PDE11A: variants seen among roughly 807,000 people sequenced by gnomAD.
PDE11A encodes the protein dual 3',5'-cyclic-AMP and -GMP phosphodiesterase 11A.
PDE11A carries 100 observed loss-of-function variants against 100.5 expected under a neutral mutation model. That is an observed-to-expected ratio of 1.00 (90% CI 0.85 to 1.18). The LOEUF is 1.18. Among genes scored for constraint, PDE11A ranks in the 50% most tolerant of loss-of-function variants. The pLI, the probability that PDE11A is intolerant of heterozygous loss-of-function variation, is 0.00. For missense variants in PDE11A, 1,141 were observed against 1,152.6 expected, an observed-to-expected ratio of 0.99 and a Z score of 0.15; for synonymous variants, 381 against 420.8, an observed-to-expected ratio of 0.91 and a Z score of 1.16.
At chr2:177,673,915 T>C (rs933914099) in intron 17 of PDE11A, among the ~76,000 whole-genome samples, 1 of 152,138 alleles carries the variant, frequency 6.6e-6, no homozygotes, top group African/African-American at 2.4e-5. Context: ...ATGATCTAGG[T>C]AGTGGCTGTT....
chr2:177,816,969 C>A, intron 8 of PDE11A, 48 bp from the exon 9 acceptor site: 3 of 1,106,318 alleles, frequency 2.7e-6, no homozygotes, highest in East Asian at 4.7e-5. Flanking sequence ...AACTCATTGG[C>A]AAAATCTAAT....
intron 16 of PDE11A, chr2:177,676,003 A>C: frequency 3.6e-6 from 1 of 280,318 alleles, no homozygotes; most frequent in Admixed American, 4.9e-5. Flanking sequence ...CTTCATTTTC[A>C]TCTGCTCTAC....
chr2:178,077,141 A>C (rs980055100), upstream of PDE11A, among the ~76,000 whole-genome samples: 2 of 152,164 alleles, frequency 1.3e-5, no homozygotes, highest in Non-Finnish European at 2.9e-5. Flanking sequence ...ATCAGTTGAG[A>C]GAGGGACAAG....
At chr2:178,049,579 G>A (rs1288320617) in intron 1 of PDE11A, among the ~76,000 whole-genome samples, 1 of 152,188 alleles carries the variant, frequency 6.6e-6, no homozygotes, top group South Asian at 2.1e-4. Flanking sequence ...AGTGCAAGGG[G>A]TTGGGGAATT....
Position 177,727,770 on chromosome 2 carries a change from A to G in PDE11A, c.1936-5T>C, listed in dbSNP as rs184331537. 1.6e-5 allele frequency: 25 copies of G among 1,544,010 alleles called. No individual in the cohort carries two copies. In the East Asian group the frequency reaches 5.4e-4, roughly 33 times the overall value. ...CAAAAGCCACCTACACAGTGTCTGA[A>G]ATGGGAGGGAGAGGGTGCGTCAGGC... On this transcript the variant is annotated splice_polypyrimidine_tract_variant and splice_region_variant and intron_variant, in intron 11 of 19. Coordinates refer to ENST00000286063, the MANE Select transcript of PDE11A (RefSeq NM_016953.4).
At chr2:177,899,133 C>T (rs1336341466) in intron 3 of PDE11A, among the ~76,000 whole-genome samples, 3 of 152,258 alleles carry the variant, frequency 2.0e-5, no homozygotes, top group East Asian at 1.9e-4. Flanking sequence ...TTTGGCCGGG[C>T]GCAGTGGCTC....
chr2:178,098,195 T>C (rs774154268), intron 2 of PDE11A, among the ~76,000 whole-genome samples: 38 of 152,338 alleles, frequency 2.5e-4, no homozygotes, highest in Non-Finnish European at 4.6e-4. Context: ...AACCAAATTA[T>C]CATTCAAGTG....
At chr2:177,637,159 C>A (rs773697468) in intron 19 of PDE11A, among the ~76,000 whole-genome samples, 1 of 152,212 alleles carries the variant, frequency 6.6e-6, no homozygotes, top group South Asian at 2.1e-4. Context: ...AGCAGTCCCA[C>A]GAAGTAGGTA....
chr2:177,942,728 AC>A (rs1454687948), intron 2 of PDE11A, among the ~76,000 whole-genome samples: 1 of 152,194 alleles, frequency 6.6e-6, no homozygotes, highest in Non-Finnish European at 1.5e-5. Flanking sequence ...TGTAAAAAAA[AC>A]ACATAACATA....
intron 2 of PDE11A, among the ~76,000 whole-genome samples, chr2:177,980,091 G>A (rs1574320410): frequency 6.7e-6 from 1 of 149,730 alleles, no homozygotes; most frequent in South Asian, 2.2e-4. Flanking sequence ...ATGACTATGG[G>A]TCACAGTCAA....
In PDE11A at chr2:177,869,330, G is replaced by A. The variant is rs77269181; in HGVS notation, c.1367+6529C>T. On this transcript the variant is annotated intron_variant, in intron 5 of 19. Coordinates refer to ENST00000286063, the MANE Select transcript of PDE11A (RefSeq NM_016953.4). ...GCTATATTCCTCTCTGAAGGCTCTGGGGAAGAATGGAGCTCATTCAGGTTG... is the reference window on the plus strand; with the variant it reads ...GCTATATTCCTCTCTGAAGGCTCTGAGGAAGAATGGAGCTCATTCAGGTTG... 7.2e-3 allele frequency among the ~76,000 whole-genome samples: 1,100 copies of A among 152,320 alleles called. 13 individuals are homozygous for A. The highest frequency in any genetic ancestry group is 0.025 in the African/African-American group (1,024 of 41,578).
At chr2:177,730,495 T>C (rs2081668406) in intron 10 of PDE11A, among the ~76,000 whole-genome samples, 1 of 152,084 alleles carries the variant, frequency 6.6e-6, no homozygotes, top group South Asian at 2.1e-4. Flanking sequence ...CTTTCATTTC[T>C]CTTTTCCTTT....
At chr2:177,923,632 T>C (rs1386922319) in intron 2 of PDE11A, among the ~76,000 whole-genome samples, 1 of 152,250 alleles carries the variant, frequency 6.6e-6, no homozygotes, top group East Asian at 1.9e-4. Context: ...GAGTAGAGCT[T>C]TGGGCTAAGA....
intron 1 of PDE11A, among the ~76,000 whole-genome samples, chr2:178,062,331 A>G (rs2086982526): frequency 6.8e-6 from 1 of 146,850 alleles, no homozygotes; most frequent in South Asian, 2.1e-4. Flanking sequence ...ATATACCTGA[A>G]GACAGAAAAA....
At chr2:177,980,790 G>A (rs2085871041) in intron 2 of PDE11A, among the ~76,000 whole-genome samples, 1 of 150,662 alleles carries the variant, frequency 6.6e-6, no homozygotes, top group Non-Finnish European at 1.5e-5. Context: ...ATTACAAAGA[G>A]TCAAGAGAAT....
chr2:177,905,010 T>C (rs2084760155), intron 3 of PDE11A, 88 bp downstream of exon 3: 1 of 787,548 alleles, frequency 1.3e-6, no homozygotes, highest in Non-Finnish European at 2.3e-6. Context: ...TCAAAGATCA[T>C]TCATTGGCTG....
intron 5 of PDE11A, among the ~76,000 whole-genome samples, chr2:177,867,675 G>C (rs1362046662): frequency 6.6e-6 from 1 of 152,070 alleles, no homozygotes; most frequent in Non-Finnish European, 1.5e-5. Flanking sequence ...GCAGTGAGCC[G>C]AGATCACCCC....
At chr2:178,070,353 T>C (rs1428522962) in intron 1 of PDE11A, among the ~76,000 whole-genome samples, 2 of 152,228 alleles carry the variant, frequency 1.3e-5, no homozygotes, top group Non-Finnish European at 2.9e-5. Flanking sequence ...GTCAATTTTC[T>C]ATGTAAAATT....
chr2:178,073,632 T>G (rs1392481845), upstream of PDE11A, among the ~76,000 whole-genome samples: 1 of 152,214 alleles, frequency 6.6e-6, no homozygotes. Flanking sequence ...ACATAAAAAG[T>G]GCTCAGTAAA....
Sources: allele counts gnomAD v4.1 joint callset (sites outside exome capture counted in the v4.1 genomes callset), GRCh38; gene constraint gnomAD v4.1.1; transcripts MANE v1.5; gene names NCBI Gene and HGNC (gene_info 2026-07-23, HGNC 2026-07-21).